The following MCAM variants were observed in gnomAD, a reference collection of about 807,000 sequenced individuals.
The protein encoded by MCAM is melanoma cell adhesion molecule.
MCAM carries 55 observed loss-of-function variants against 79.1 expected under a neutral mutation model. The ratio of observed to expected loss-of-function variants is 0.70; its 90% confidence interval spans 0.56 to 0.87. The LOEUF (loss-of-function observed/expected upper bound fraction) is 0.87. Among genes scored for constraint, MCAM ranks in the 40% least tolerant of loss-of-function variants. The pLI, the probability that MCAM is intolerant of heterozygous loss-of-function variation, is 0.00. For missense variants in MCAM, 745 were observed against 839.8 expected (o/e 0.89, Z 1.40); for synonymous variants, 330 against 339.8 (o/e 0.97, Z 0.32).
intron 5 of MCAM, 55 bp from the exon 6 acceptor site, chr11:119,313,004 C>A: frequency 1.2e-6 from 2 of 1,610,886 alleles, no homozygotes; most frequent in Non-Finnish European, 1.7e-6. Context: ...TCCAGCCCCA[C>A]CCTAGGGTTG....
Position 119,310,427 on chromosome 11 carries a change from T to G in MCAM, c.1833A>C (p.Glu611Asp). The change falls in exon 15 of 16, where the codon GAA becomes GAC. Residue 611 changes from glutamate (E) to aspartate (D), a missense_variant. Coordinates refer to ENST00000264036, the MANE Select transcript of MCAM (RefSeq NM_006500.3). ...CTTCTGGGAGCTTATCTGACTTAAC[T>G]TCAACTACAAGTTCGCTCTTACGAG... ...PPSRKSELVV[E>D]VKSDKLPEEM... 2.5e-6 allele frequency: 4 copies of G among 1,614,056 alleles called. No individual in the cohort carries two copies. The highest frequency in any genetic ancestry group is 3.4e-6 in the Non-Finnish European group (4 of 1,179,968).
chr11:119,309,746 A>T lies in MCAM; in HGVS notation c.*140T>A. 1.2e-6 allele frequency: 1 copy of T among 850,404 alleles called. No individual in the cohort carries two copies. The highest frequency in any genetic ancestry group is 1.9e-6 in the Non-Finnish European group (1 of 526,488). 52.7% of individuals were successfully genotyped at this position (850,404 alleles called of 1,614,324 possible). A position where few individuals can be genotyped will look rare whatever the true frequency, so the allele number is the denominator to read the frequency against. On this transcript the variant is annotated 3_prime_UTR_variant, in exon 16 of 16. Coordinates refer to ENST00000264036, the MANE Select transcript of MCAM (RefSeq NM_006500.3). ...AAGTGAGGTCCTCAGGTCCTAACCC[A>T]GTGGCCCTCTGAAAGGGGGTGTGCA...
chr11:119,311,345 G>C lies in MCAM; in HGVS notation c.1484C>G (p.Thr495Arg). 6.2e-7 allele frequency: 1 copy of C among 1,614,224 alleles called. No individual in the cohort carries two copies. Among genetic ancestry groups the C allele is most frequent in the Non-Finnish European group, 8.5e-7 (1 of 1,180,034 alleles). The change falls in exon 12 of 16, where the codon ACA becomes AGA. Residue 495 changes from threonine (T) to arginine (R), a missense_variant. Transcript: ENST00000264036. This position sits in a 1 kb window ranked among gnomAD's most constrained non-coding sequence, Gnocchi z 4.4. ...GTTGGAGGCCGTGCATTCAACACCT[G>C]TCTCCAACAGCTCCGGGGTCACGAG... is the stretch of plus-strand genomic sequence containing the variant. ...NVLVTPELLE[T>R]GVECTASNDL...
Position 119,310,438 on chromosome 11 carries a change from G to C in MCAM, c.1822C>G (p.Leu608Val). The C allele has an allele frequency of 1.2e-6, 2 of 1,613,852 alleles. No individual in the cohort carries two copies. The highest frequency in any genetic ancestry group is 1.7e-6 in the Non-Finnish European group (2 of 1,179,798). Residue 608 changes from leucine (L) to valine (V), a missense_variant, in exon 15 of 16, where the codon CTT (leucine) becomes GTT (valine). Transcript: ENST00000264036. Reference sequence around the variant, plus strand: ...TTATCTGACTTAACTTCAACTACAAGTTCGCTCTTACGAGACGGGGGTAGC... The same window carrying C: ...TTATCTGACTTAACTTCAACTACAACTTCGCTCTTACGAGACGGGGGTAGC... ...ITLPPSRKSE[L>V]VVEVKSDKLP...
In MCAM at chr11:119,316,681, C is replaced by A. The variant is rs1042078549; in HGVS notation, c.67+354G>T. 8.6e-6 allele frequency: 2 copies of A among 232,638 alleles called. No homozygotes were observed. The highest frequency in any genetic ancestry group is 5.8e-5 in the Admixed American group (1 of 17,216). The allele number at this position is 232,638 out of a possible 1,614,324, so 14.4% of individuals were successfully genotyped here. A position where few individuals can be genotyped will look rare whatever the true frequency, so the allele number is the denominator to read the frequency against. Reference sequence around the variant, plus strand: ...GCGCGGAATTCAGGCTTTGAGGATGCGCCCCAGCTGCGCCTCCTGCCCGGC... The same window carrying A: ...GCGCGGAATTCAGGCTTTGAGGATGAGCCCCAGCTGCGCCTCCTGCCCGGC... On this transcript the variant is annotated intron_variant, in intron 1 of 15. Coordinates refer to ENST00000264036, the MANE Select transcript of MCAM (RefSeq NM_006500.3). The surrounding 1 kb of genome is among the most constrained non-coding windows in gnomAD (Gnocchi z 4.8).
chr11:119,314,013 G>C, intron 5 of MCAM: 1 of 982,808 alleles, frequency 1.0e-6, no homozygotes, highest in Non-Finnish European at 1.2e-6. Flanking sequence ...ATTATTTCTG[G>C]GAGGGGGGGT....
intron 15 of MCAM, chr11:119,310,127 T>G: frequency 1.6e-6 from 1 of 625,222 alleles, no homozygotes; most frequent in Non-Finnish European, 2.8e-6. Flanking sequence ...CCACGGGCAT[T>G]GGTCAGGAAA....
In MCAM at chr11:119,313,187, A is replaced by G. The variant is rs1252729975; in HGVS notation, c.560-238T>C. 4 of 1,486,996 alleles carry G rather than the reference A, an allele frequency of 2.7e-6. No homozygotes were observed. The African/African-American group carries it at 5.6e-5, about 21-fold the overall frequency. The allele number at this position is 1,486,996 out of a possible 1,614,324, so 92.1% of individuals were successfully genotyped here. On this transcript the variant is annotated intron_variant, in intron 5 of 15. Transcript: ENST00000264036. ...AAGGATGTGTGCAAAGAATGCTGCA[A>G]TGATAAAAACGAGCAGCCGTCTAGA... is the stretch of plus-strand genomic sequence containing the variant.
At position 119,312,234 on chromosome 11, in the gene MCAM, G is replaced by T. The variant is rs373982939; in HGVS notation, c.1024+32C>A. The T allele has an allele frequency of 1.2e-6, 2 of 1,612,688 alleles. No individual in the cohort carries two copies. The highest frequency in any genetic ancestry group is 1.3e-5 in the African/African-American group (1 of 74,872). On this transcript the variant is annotated intron_variant, in intron 8 of 15. Coordinates refer to ENST00000264036, the MANE Select transcript of MCAM (RefSeq NM_006500.3). The surrounding 1 kb of genome is among the most constrained non-coding windows in gnomAD (Gnocchi z 4.9). ...GGCCAGTTCCCTATTGCCCCAGCCTGGTCCCCCTGTCCTGGGTCCCCAGCC... is the reference window on the plus strand; with the variant it reads ...GGCCAGTTCCCTATTGCCCCAGCCTTGTCCCCCTGTCCTGGGTCCCCAGCC...
chr11:119,313,970 A>G (rs1033238180), intron 5 of MCAM: 1 of 967,640 alleles, frequency 1.0e-6, no homozygotes, highest in Non-Finnish European at 1.2e-6. Context: ...ATACATAGAA[A>G]TAGGCTTGAA....
Position 119,311,039 on chromosome 11 carries a change from G to T in MCAM, c.1645+51C>A. Reference sequence around the variant, plus strand: ...ACAGGGCTCTCTGGGGAGGGACAGGGCAGAAAGGATGCCCTGGCACAGCCC... The same window carrying T: ...ACAGGGCTCTCTGGGGAGGGACAGGTCAGAAAGGATGCCCTGGCACAGCCC... On this transcript the variant is annotated intron_variant, in intron 13 of 15. Transcript: ENST00000264036. The surrounding 1 kb of genome is among the most constrained non-coding windows in gnomAD (Gnocchi z 4.4). The T allele has an allele frequency of 6.2e-7, 1 of 1,614,184 alleles. No homozygotes were observed. Among genetic ancestry groups the T allele is most frequent in the Non-Finnish European group, 8.5e-7 (1 of 1,180,032 alleles).
Position 119,311,580 on chromosome 11 carries a change from C to T in MCAM, c.1357G>A (p.Glu453Lys). 6.2e-7 allele frequency: 1 copy of T among 1,614,162 alleles called. No homozygotes were observed. The highest frequency in any genetic ancestry group is 8.5e-7 in the Non-Finnish European group (1 of 1,180,030). The change falls in exon 11 of 16, where the codon GAA (glutamate) becomes AAA (lysine). Residue 453 changes from glutamate (E) to lysine (K), a missense_variant. Physicochemically the swap from Glu to Lys is moderately conservative, Grantham distance 56 (BLOSUM62 1). Coordinates refer to ENST00000264036, the MANE Select transcript of MCAM (RefSeq NM_006500.3). This position sits in a 1 kb window ranked among gnomAD's most constrained non-coding sequence, Gnocchi z 4.4. Reference sequence around the variant, plus strand: ...GTGGGCCGGGGGTGCCCTGACGCTTCACAAGACAGATTCAACACCATATTC... The same window carrying T: ...GTGGGCCGGGGGTGCCCTGACGCTTTACAAGACAGATTCAACACCATATTC... ...KENMVLNLSC[E>K]ASGHPRPTIS...
chr11:119,315,088 G>T lies in MCAM; in HGVS notation c.193-48C>A. 6.2e-7 allele frequency: 1 copy of T among 1,611,542 alleles called. No homozygotes were observed. The highest frequency in any genetic ancestry group is 1.1e-5 in the South Asian group (1 of 91,086). ...AGGAGAAGGGTCCTGGGCTACAAGA[G>T]GGGCAGAGTCTCCCTCCCCGGGCTG... On this transcript the variant is annotated intron_variant, in intron 2 of 15. Transcript: ENST00000264036. The surrounding 1 kb of genome is among the most constrained non-coding windows in gnomAD (Gnocchi z 4.4).
chr11:119,309,210 A>T lies in MCAM; in HGVS notation c.*676T>A, dbSNP rs1444863852. On this transcript the variant is annotated 3_prime_UTR_variant, in exon 16 of 16. Transcript: ENST00000264036. ...AGGATGGTCTCGTCCTGACTTTGTG[A>T]TCCGCCCGCCTCGGCCTCCCAAAGT... 1.3e-5 allele frequency: 2 copies of T among 152,334 alleles called. No individual in the cohort carries two copies. Among genetic ancestry groups the T allele is most frequent in the Non-Finnish European group, 2.9e-5 (2 of 68,258 alleles). 9.4% of individuals were successfully genotyped at this position (152,334 alleles called of 1,614,324 possible). A position where few individuals can be genotyped will look rare whatever the true frequency, so the allele number is the denominator to read the frequency against.
At chr11:119,310,542 G>T in intron 14 of MCAM, 76 bp from the exon 15 acceptor site, 2 of 1,133,650 alleles carry the variant, frequency 1.8e-6, no homozygotes, top group Non-Finnish European at 2.7e-6. Flanking sequence ...GAAGGATGTG[G>T]AATGGATGAG....
chr11:119,313,733 G>C, intron 5 of MCAM: 1 of 197,550 alleles, frequency 5.1e-6, no homozygotes, highest in Admixed American at 5.3e-5. Flanking sequence ...TCTTTATTGT[G>C]GGGGCTGTCC....
chr11:119,316,236 GC>G lies in MCAM; in HGVS notation c.67+798del, dbSNP rs1407914174. 6.6e-6 allele frequency: 1 copy of G among 152,272 alleles called. No individual in the cohort carries two copies. The highest frequency in any genetic ancestry group is 1.5e-5 in the Non-Finnish European group (1 of 68,068). The allele number at this position is 152,272 out of a possible 1,614,324, so 9.4% of individuals were successfully genotyped here. On this transcript the variant is annotated intron_variant, in intron 1 of 15. Coordinates refer to ENST00000264036, the MANE Select transcript of MCAM (RefSeq NM_006500.3). This position sits in a 1 kb window ranked among gnomAD's most constrained non-coding sequence, Gnocchi z 4.8. ...TATTGCCTAGCCCTCCCCTTCCCCA[GC>G]CGGACAGCGGCTGGGACGGCGGAAT...
In MCAM at chr11:119,311,038, G is replaced by T; in HGVS notation, c.1645+52C>A. 1 of 1,614,150 alleles carries T rather than the reference G, an allele frequency of 6.2e-7. No homozygotes were observed. On this transcript the variant is annotated intron_variant, in intron 13 of 15. Coordinates refer to ENST00000264036, the MANE Select transcript of MCAM (RefSeq NM_006500.3). This position sits in a 1 kb window ranked among gnomAD's most constrained non-coding sequence, Gnocchi z 4.4. The stretch of plus-strand genomic sequence containing the variant: ...GACAGGGCTCTCTGGGGAGGGACAG[G>T]GCAGAAAGGATGCCCTGGCACAGCC...
chr11:119,315,155 T>C lies in MCAM; in HGVS notation c.176A>G (p.His59Arg). ...AGCACTCACAGAAAACCAGTCGACA[T>C]GGCTGAGGTTGCCTTGGGACTGGGA... Reference protein sequence around the residue: ...GLSQSQGNLSHVDWFSVHKEK... With the variant: ...GLSQSQGNLSRVDWFSVHKEK... The change falls in exon 2 of 16, where the codon CAT (histidine) becomes CGT (arginine). Residue 59 changes from histidine to arginine, a missense_variant. Physicochemically the swap from His to Arg is conservative, Grantham distance 29. Transcript: ENST00000264036. The surrounding 1 kb of genome is among the most constrained non-coding windows in gnomAD (Gnocchi z 4.4). 1 of 1,613,530 alleles carries C rather than the reference T, an allele frequency of 6.2e-7. No homozygotes were observed. The highest frequency in any genetic ancestry group is 8.5e-7 in the Non-Finnish European group (1 of 1,179,984).
Sources: gnomAD v4.1 joint callset for allele counts on GRCh38, gnomAD v4.1.1 for gene constraint, Gnocchi (gnomAD v3.1) non-coding constraint, MANE v1.5 for transcripts, NCBI Gene and HGNC (gene_info 2026-07-23, HGNC 2026-07-21) for gene names.